The following MARK4 variants were observed in gnomAD, a reference collection of about 807,000 sequenced individuals.
MARK4 encodes microtubule affinity regulating kinase 4, also known as MAP/microtubule affinity-regulating kinase 4.
A neutral mutation model predicts 81.5 loss-of-function variants in MARK4; 19 were observed. The observed-to-expected ratio is 0.23, with a 90% confidence interval of 0.16 to 0.34. The LOEUF (loss-of-function observed/expected upper bound fraction) is 0.34. Ranked by LOEUF, MARK4 falls within the 10% of genes least tolerant of loss-of-function variation. The probability of loss-of-function intolerance (pLI) is 1.00; values close to 1 mark genes in which losing one functional copy is unlikely to be tolerated. For synonymous variants in MARK4, 436 were observed against 439.0 expected (o/e 0.99, Z 0.08); for missense variants, 772 against 1,058.8 (o/e 0.73, Z 3.76).
chr19:45,272,518 T>TG (rs142041422), intron 8 of MARK4, among the ~76,000 whole-genome samples: 2,383 of 152,010 alleles, frequency 0.016, 78 homozygotes, highest in African/African-American at 0.055. Context: ...TGCCTGAGGC[T>TG]GGGGGGGAGG....
chr19:45,278,298 A>C (rs1300533845), intron 9 of MARK4, among the ~76,000 whole-genome samples: 1 of 152,106 alleles, frequency 6.6e-6, no homozygotes, highest in East Asian at 1.9e-4. Flanking sequence ...GGATGATTAC[A>C]GGGTGCCAGG....
chr19:45,280,672 A>T lies in MARK4; in HGVS notation c.1214A>T (p.His405Leu). ...NGTSSSKGTSHSKGQRSSSST... is the reference protein window; with the variant it reads ...NGTSSSKGTSLSKGQRSSSST... ...ACAAGTTCCAGCAAAGGCACCAGCCACAGCAAAGGGCAGCGGAGTTCCTCT... is the reference window on the plus strand; with the variant it reads ...ACAAGTTCCAGCAAAGGCACCAGCCTCAGCAAAGGGCAGCGGAGTTCCTCT... The change falls in exon 12 of 17, where the codon CAC (histidine) becomes CTC (leucine). Residue 405 changes from histidine (H) to leucine (L), a missense_variant. His to Leu is a moderately conservative substitution (Grantham distance 99, BLOSUM62 -3). Coordinates refer to ENST00000262891, the MANE Select transcript of MARK4 (RefSeq NM_001199867.2). The T allele has an allele frequency of 1.2e-6, 2 of 1,614,196 alleles. No homozygotes were observed. Among genetic ancestry groups the T allele is most frequent in the South Asian group, 2.2e-5 (2 of 91,088 alleles).
chr19:45,291,571 A>G (rs956810489), intron 13 of MARK4, among the ~76,000 whole-genome samples: 5 of 152,150 alleles, frequency 3.3e-5, no homozygotes, highest in African/African-American at 9.7e-5. Flanking sequence ...TCACGAGGTC[A>G]GGAGATCGAG....
intron 12 of MARK4, among the ~76,000 whole-genome samples, chr19:45,281,021 T>C (rs1448187571): frequency 2.6e-5 from 4 of 151,756 alleles, no homozygotes; most frequent in Non-Finnish European, 5.9e-5. Flanking sequence ...CTCTCACTTA[T>C]CTCATCCTAT....
chr19:45,282,400 G>C (rs1970687413), intron 12 of MARK4, among the ~76,000 whole-genome samples: 1 of 151,912 alleles, frequency 6.6e-6, no homozygotes, highest in African/African-American at 2.4e-5. Flanking sequence ...CATTTAAAGT[G>C]CACAATTCAG....
intron 12 of MARK4, among the ~76,000 whole-genome samples, chr19:45,282,171 C>T (rs754085736): frequency 3.3e-5 from 5 of 150,444 alleles, no homozygotes; most frequent in East Asian, 1.9e-4. Flanking sequence ...TGCAGTGAGC[C>T]GAGATCATGC....
intron 15 of MARK4, 103 bp downstream of exon 15, chr19:45,298,057 TCCTC>T: frequency 2.7e-6 from 3 of 1,102,234 alleles, no homozygotes; most frequent in Non-Finnish European, 3.7e-6. Flanking sequence ...CATTTCCTCT[TCCTC>T]CTCCTCCTCC....
chr19:45,274,676 C>T (rs117805114), intron 8 of MARK4, among the ~76,000 whole-genome samples: 3 of 152,128 alleles, frequency 2.0e-5, no homozygotes, highest in East Asian at 3.9e-4. Flanking sequence ...TCTGACACTC[C>T]GGCCATAGCT....
intron 7 of MARK4, among the ~76,000 whole-genome samples, chr19:45,269,513 A>G (rs1970498160): frequency 6.6e-6 from 1 of 152,176 alleles, no homozygotes; most frequent in Admixed American, 6.5e-5. Context: ...AGAGTGGTCC[A>G]GAAATAAACC....
Position 45,297,701 on chromosome 19 carries a change from G to C in MARK4, c.1624G>C (p.Ala542Pro). The C allele has an allele frequency of 6.5e-7, 1 of 1,536,622 alleles. No homozygotes were observed. The highest frequency in any genetic ancestry group is 2.2e-5 in the East Asian group (1 of 44,458). ...NSSGTPRVPP[A>P]SPSSHSLAPP... Reference sequence around the variant, plus strand: ...CTCAGGCACCCCACGGGTGCCCCCTGCCTCCCCCTCCAGTCACAGCCTGGC... The same window carrying C: ...CTCAGGCACCCCACGGGTGCCCCCTCCCTCCCCCTCCAGTCACAGCCTGGC... Residue 542 changes from alanine (A) to proline (P), a missense_variant, in exon 15 of 17, where the codon GCC (alanine) becomes CCC (proline). Coordinates refer to ENST00000262891, the MANE Select transcript of MARK4 (RefSeq NM_001199867.2).
chr19:45,295,812 G>T (rs1568503566), intron 14 of MARK4, among the ~76,000 whole-genome samples: 2 of 152,196 alleles, frequency 1.3e-5, no homozygotes, highest in South Asian at 2.1e-4. Context: ...CCACTTCCAG[G>T]CCCCATTATA....
intron 13 of MARK4, among the ~76,000 whole-genome samples, chr19:45,293,299 C>A (rs1970842556): frequency 6.6e-6 from 1 of 151,982 alleles, no homozygotes; most frequent in Non-Finnish European, 1.5e-5. Flanking sequence ...ATCCAATGGA[C>A]CCCTGGTAAA....
chr19:45,298,711 A>G (rs1264102464), intron 15 of MARK4, among the ~76,000 whole-genome samples: 1 of 152,200 alleles, frequency 6.6e-6, no homozygotes, highest in Non-Finnish European at 1.5e-5. Context: ...GGATCTAGAC[A>G]AAAAACAAAG....
At chr19:45,294,567 G>A (rs1426632666) in intron 14 of MARK4, 115 bp downstream of exon 14, 2 of 865,330 alleles carry the variant, frequency 2.3e-6, no homozygotes, top group Non-Finnish European at 1.8e-6. Context: ...ACCAGAGAGT[G>A]AGTGTATCTG....
intron 6 of MARK4, 90 bp from the exon 7 acceptor site, chr19:45,266,135 G>C: frequency 7.4e-7 from 1 of 1,347,992 alleles, no homozygotes; most frequent in Non-Finnish European, 1.1e-6. Flanking sequence ...GGGGAGGCCT[G>C]GGGCCCAGCT....
At chr19:45,291,025 G>A (rs1970813729) in intron 13 of MARK4, among the ~76,000 whole-genome samples, 1 of 152,148 alleles carries the variant, frequency 6.6e-6, no homozygotes, top group Admixed American at 6.6e-5. Flanking sequence ...GGGAGGCCGG[G>A]ATGCCTGTGT....
chr19:45,276,741 T>G (rs1000808126), intron 8 of MARK4, among the ~76,000 whole-genome samples: 5 of 150,060 alleles, frequency 3.3e-5, no homozygotes, highest in Admixed American at 2.7e-4. Flanking sequence ...TTCTCCTGCC[T>G]CAGCCTCCCG....
chr19:45,262,889 A>T, intron 2 of MARK4: 1 of 506,826 alleles, frequency 2.0e-6, no homozygotes, highest in Admixed American at 3.2e-5. Flanking sequence ...CTCAGCCTCC[A>T]GAGTAGCTGG....
chr19:45,274,173 TG>T (rs1970569216), intron 8 of MARK4, among the ~76,000 whole-genome samples: 1 of 150,632 alleles, frequency 6.6e-6, no homozygotes, highest in African/African-American at 2.4e-5. Flanking sequence ...GGCATGAACC[TG>T]GGAGGTGGAG....
Sources: gnomAD v4.1 joint callset for allele counts (sites outside exome capture counted in the v4.1 genomes callset) on GRCh38, gnomAD v4.1.1 for gene constraint, MANE v1.5 for transcripts, NCBI Gene and HGNC (gene_info 2026-07-23, HGNC 2026-07-21) for gene names.